BRD4: variants seen among roughly 807,000 people sequenced by gnomAD.
The protein encoded by BRD4 is bromodomain-containing protein 4.
In BRD4, 16 loss-of-function variants were observed where a neutral mutation model predicts 142.1. The ratio of observed to expected loss-of-function variants is 0.11; its 90% CI spans 0.08 to 0.17. The LOEUF is 0.17. Among genes scored for constraint, BRD4 ranks in the 10% least tolerant of loss-of-function variants. The probability of loss-of-function intolerance (pLI) is 1.00; values close to 1 mark genes in which losing one functional copy is unlikely to be tolerated. For synonymous variants in BRD4, 833 were observed against 707.5 expected, an observed-to-expected ratio of 1.18 and a Z score of -2.82; for missense variants, 1,424 against 1,810.9, an observed-to-expected ratio of 0.79 and a Z score of 3.88.
At chr19:15,281,788 C>A (rs1412784950) in intron 1 of BRD4, among the ~76,000 whole-genome samples, 1 of 152,118 alleles carries the variant, frequency 6.6e-6, no homozygotes, top group African/African-American at 2.4e-5. Flanking sequence ...GAGGCCGAGG[C>A]GGGTGGATTG....
At chr19:15,246,272 C>T (rs2047285263) in intron 11 of BRD4, among the ~76,000 whole-genome samples, 1 of 152,104 alleles carries the variant, frequency 6.6e-6, no homozygotes, top group South Asian at 2.1e-4. Flanking sequence ...AGTCTGACTG[C>T]TGTGGTGGTG....
At chr19:15,265,817 C>CA (rs1180805016) in intron 4 of BRD4, among the ~76,000 whole-genome samples, 174 bp from the exon 5 acceptor site, 1 of 152,114 alleles carries the variant, frequency 6.6e-6, no homozygotes, top group Non-Finnish European at 1.5e-5. Context: ...CCCTGGGGCT[C>CA]AAAGAACAGC....
In BRD4 at chr19:15,244,237, G is replaced by A; in HGVS notation, c.2575C>T (p.Pro859Ser). The A allele has an allele frequency of 1.9e-6, 3 of 1,563,698 alleles. No homozygotes were observed. Among genetic ancestry groups the A allele is most frequent in the Non-Finnish European group, 2.6e-6 (3 of 1,157,346 alleles). Residue 859 changes from proline (P) to serine (S), a missense_variant, in exon 13 of 20, where the codon CCT (proline) becomes TCT (serine). Coordinates refer to ENST00000679869, the MANE Select transcript of BRD4 (RefSeq NM_001379291.1). ...PHLNQHAVVS[P>S]PALHNALPQQ... ...GGGGCAGGCCACGGCTCACCTGGAG[G>A]AGAGACCACTGCGTGCTGGTTGAGA...
chr19:15,326,614 C>T (rs536468414), intron 1 of BRD4, among the ~76,000 whole-genome samples: 2 of 152,312 alleles, frequency 1.3e-5, no homozygotes, highest in South Asian at 4.1e-4. Context: ...ATCATTTTAA[C>T]ATTCTACTTT....
chr19:15,309,177 C>T (rs938755495), intron 1 of BRD4, among the ~76,000 whole-genome samples: 29 of 151,240 alleles, frequency 1.9e-4, no homozygotes, highest in Non-Finnish European at 3.5e-4. Flanking sequence ...ACTAAAAATA[C>T]AAAAAATTAG....
chr19:15,261,021 T>C (rs2047464348), intron 7 of BRD4, among the ~76,000 whole-genome samples: 1 of 152,166 alleles, frequency 6.6e-6, no homozygotes, highest in Non-Finnish European at 1.5e-5. Flanking sequence ...TTCTGCTGAG[T>C]TCTTCCTATG....
At chr19:15,247,055 A>G (rs2047294268) in intron 11 of BRD4, 1 of 193,704 alleles carries the variant, frequency 5.2e-6, no homozygotes, top group African/African-American at 2.3e-5. Context: ...GATGGCCTCA[A>G]GTACGGTGTG....
intron 1 of BRD4, among the ~76,000 whole-genome samples, chr19:15,312,358 G>A (rs886169529): frequency 1.7e-4 from 26 of 152,124 alleles, no homozygotes; most frequent in African/African-American, 6.3e-4. Flanking sequence ...AAGGGGCCAG[G>A]TGCGGTGGCT....
intron 13 of BRD4, among the ~76,000 whole-genome samples, chr19:15,243,825 C>T (rs937633808): frequency 1.3e-5 from 2 of 152,178 alleles, no homozygotes; most frequent in Non-Finnish European, 2.9e-5. Context: ...GTCCCCATAT[C>T]CCCCAGGTGA....
In BRD4 at chr19:15,286,768, C is replaced by T. The variant is rs143158136; in HGVS notation, c.-34-13635G>A. ...AACATATCTGGATGTTTTTCACTAACTAAACTGAGCATCAGCTTTGAAAAT... is the reference window on the plus strand; with the variant it reads ...AACATATCTGGATGTTTTTCACTAATTAAACTGAGCATCAGCTTTGAAAAT... On this transcript the variant is annotated intron_variant, in intron 1 of 19. Coordinates refer to ENST00000679869, the MANE Select transcript of BRD4 (RefSeq NM_001379291.1). Among the ~76,000 whole-genome samples, 88 of 152,322 alleles carry T rather than the reference C, an allele frequency of 5.8e-4. No homozygotes were observed. The Middle Eastern group carries it at 0.01, about 18-fold the overall frequency.
chr19:15,329,051 G>A (rs912315035), intron 1 of BRD4, among the ~76,000 whole-genome samples: 1 of 151,508 alleles, frequency 6.6e-6, no homozygotes, highest in Non-Finnish European at 1.5e-5. Context: ...GGGATCACAG[G>A]CGTGAGCCAC....
rs776249512 is a variant in BRD4 at position 15,239,209 on chromosome 19, G to A, written c.3632C>T (p.Thr1211Ile). 4 of 1,612,964 alleles carry A rather than the reference G, an allele frequency of 2.5e-6. No homozygotes were observed. Among genetic ancestry groups the A allele is most frequent in the Non-Finnish European group, 3.4e-6 (4 of 1,180,036 alleles). Reference protein sequence around the residue: ...SWASLVQKHPTTPSSTAKSSS... With the variant: ...SWASLVQKHPITPSSTAKSSS... ...TGACTTGGCTGTGGAGGAGGGGGTG[G>A]TCGGATGCTTCTGCACTAGGCTGGC... Residue 1211 changes from threonine to isoleucine, a missense_variant, in exon 18 of 20, where the codon ACC (threonine) becomes ATC (isoleucine). Thr to Ile is a moderately conservative substitution (Grantham distance 89). Transcript: ENST00000679869. The surrounding 1 kb of genome is among the most constrained non-coding windows in gnomAD (Gnocchi z 7.4).
At chr19:15,271,526 A>G (rs1387182361) in intron 2 of BRD4, among the ~76,000 whole-genome samples, 1 of 152,000 alleles carries the variant, frequency 6.6e-6, no homozygotes, top group African/African-American at 2.4e-5. Flanking sequence ...GGGCCTCACA[A>G]CGCTCTGGGT....
rs201883209 is a variant in BRD4 at position 15,263,523 on chromosome 19, C to T, written c.1238G>A (p.Arg413His). The change falls in exon 7 of 20, where the codon CGT (arginine) becomes CAT (histidine). Residue 413 changes from arginine to histidine, a missense_variant. Physicochemically the swap from Arg to His is conservative, Grantham distance 29. Transcript: ENST00000679869. ...IKSKLEAREY[R>H]DAQEFGADVR... ...GTCAGCACCAAACTCCTGAGCATCA[C>T]GGTACTCACGGGCCTCCAGTTTAGA... The T allele has an allele frequency of 2.8e-5, 46 of 1,614,098 alleles. No individual in the cohort carries two copies. The highest frequency in any genetic ancestry group is 8.0e-5 in the African/African-American group (6 of 74,918).
chr19:15,295,641 TGA>T (rs978601747), intron 1 of BRD4, among the ~76,000 whole-genome samples: 164 of 152,316 alleles, frequency 1.1e-3, no homozygotes, highest in East Asian at 5.2e-3. Flanking sequence ...GAAAAGGAAA[TGA>T]GAGAGGCACA....
intron 1 of BRD4, among the ~76,000 whole-genome samples, chr19:15,282,534 G>A (rs1435359430): frequency 6.6e-6 from 1 of 152,126 alleles, no homozygotes; most frequent in African/African-American, 2.4e-5. Context: ...CTGGCCTCTT[G>A]GTGTCTGTCC....
chr19:15,287,717 T>A (rs1039081539), intron 1 of BRD4, among the ~76,000 whole-genome samples: 4 of 152,136 alleles, frequency 2.6e-5, no homozygotes, highest in African/African-American at 9.7e-5. Context: ...TTTGTGGTTG[T>A]CGTATTTCAC....
Position 15,264,697 on chromosome 19 carries a change from G to T in BRD4, c.919C>A (p.Pro307Thr). 1 of 1,613,286 alleles carries T rather than the reference G, an allele frequency of 6.2e-7. No individual in the cohort carries two copies. The highest frequency in any genetic ancestry group is 8.5e-7 in the Non-Finnish European group (1 of 1,180,030). ...GTCTTGGGCTCCGGGGGCAGCGAGG[G>T]TGGCTCGTGAATGGGGTCAATGGTG... ...PTTIDPIHEPPSLPPEPKTTK... is the reference protein window; with the variant it reads ...PTTIDPIHEPTSLPPEPKTTK... Residue 307 changes from proline (P) to threonine (T), a missense_variant, in exon 6 of 20, where the codon CCC becomes ACC. Pro to Thr is a conservative substitution (Grantham distance 38, BLOSUM62 -1). Coordinates refer to ENST00000679869, the MANE Select transcript of BRD4 (RefSeq NM_001379291.1).
intron 1 of BRD4, among the ~76,000 whole-genome samples, chr19:15,278,408 T>C (rs1020297426): frequency 6.6e-6 from 1 of 151,778 alleles, no homozygotes; most frequent in African/African-American, 2.4e-5. Flanking sequence ...TGGTGGCGCA[T>C]GCTTGTAATC....
Sources: gnomAD v4.1 joint callset for allele counts (sites outside exome capture counted in the v4.1 genomes callset) on GRCh38, gnomAD v4.1.1 for gene constraint, Gnocchi (gnomAD v3.1) non-coding constraint, MANE v1.5 for transcripts, NCBI Gene and HGNC (gene_info 2026-07-23, HGNC 2026-07-21) for gene names.